Variants in VPS13D observed in about 807,000 individuals in gnomAD.
VPS13D encodes vacuolar protein sorting 13 homolog D, also known as intermembrane lipid transfer protein VPS13D.
VPS13D carries 187 observed loss-of-function variants against 461.9 expected under a neutral mutation model. The ratio of observed to expected loss-of-function variants is 0.40; its 90% CI spans 0.36 to 0.46. The LOEUF (loss-of-function observed/expected upper bound fraction) is 0.46, where lower values mean the gene tolerates loss of function less well. Among genes scored for constraint, VPS13D ranks in the 20% least tolerant of loss-of-function variants. The probability of loss-of-function intolerance (pLI) is 0.60; values close to 1 mark genes in which losing one functional copy is unlikely to be tolerated. For missense variants in VPS13D, 4,711 were observed against 5,364.9 expected, an observed-to-expected ratio of 0.88 and a Z score of 3.81; for synonymous variants, 1,951 against 1,986.3, an observed-to-expected ratio of 0.98 and a Z score of 0.47.
intron 63 of VPS13D, 24 bp from the exon 64 acceptor site, chr1:12,415,063 T>A: frequency 6.2e-7 from 1 of 1,613,032 alleles, no homozygotes; most frequent in Non-Finnish European, 8.5e-7. Context: ...CTTAAGTATG[T>A]CATTTCCTTT....
intron 66 of VPS13D, 24 bp downstream of exon 66, chr1:12,456,154 TCTG>T (rs781073724): frequency 8.2e-6 from 13 of 1,589,010 alleles, no homozygotes; most frequent in Admixed American, 1.9e-5. Flanking sequence ...GACATCAGGC[TCTG>T]CTGCTGCTGG....
intron 61 of VPS13D, among the ~76,000 whole-genome samples, chr1:12,400,984 A>G (rs1218457291): frequency 6.6e-6 from 1 of 151,926 alleles, no homozygotes; most frequent in African/African-American, 2.4e-5. Flanking sequence ...ACACACACAC[A>G]CACACACACA....
At chr1:12,289,089 G>A (rs1642053655) in intron 22 of VPS13D, among the ~76,000 whole-genome samples, 1 of 152,140 alleles carries the variant, frequency 6.6e-6, no homozygotes, top group South Asian at 2.1e-4. Flanking sequence ...TCATCCTCCT[G>A]CCTCTGCCTC....
At chr1:12,363,302 T>C in intron 52 of VPS13D, 55 bp downstream of exon 52, 1 of 1,562,142 alleles carries the variant, frequency 6.4e-7, no homozygotes, top group Non-Finnish European at 8.7e-7. Flanking sequence ...TGAGATGCAG[T>C]ACTGTAATAA....
chr1:12,378,561 T>C lies in VPS13D; in HGVS notation c.11051T>C (p.Ile3684Thr). ...RSTEGSAILD[I>T]AGLAAVTDNR... ...ACCGAGGGGTCTGCCATCTTAGATATTGCTGGTCTCGCTGCAGTGACTGAC... is the reference window on the plus strand; with the variant it reads ...ACCGAGGGGTCTGCCATCTTAGATACTGCTGGTCTCGCTGCAGTGACTGAC... Residue 3684 changes from isoleucine to threonine, a missense_variant, in exon 56 of 70, where the codon ATT becomes ACT. By Grantham distance (89) the Ile-to-Thr change is moderately conservative (BLOSUM62 -1). Around this residue, in one of 3 missense-constraint regions of VPS13D, gnomAD observed 4,411 missense variants for 4,937.8 expected, o/e 0.89. Coordinates refer to ENST00000620676, the MANE Select transcript of VPS13D (RefSeq NM_015378.4). The C allele has an allele frequency of 6.2e-7, 1 of 1,603,338 alleles. No homozygotes were observed. The highest frequency in any genetic ancestry group is 8.5e-7 in the Non-Finnish European group (1 of 1,175,034).
intron 60 of VPS13D, 83 bp downstream of exon 60, chr1:12,386,417 ACTT>A: frequency 7.0e-7 from 1 of 1,420,686 alleles, no homozygotes; most frequent in Admixed American, 2.6e-5. Context: ...TGTTCTAAGA[ACTT>A]TAATGTTTTG....
chr1:12,270,356 C>A (rs906334606), intron 16 of VPS13D, among the ~76,000 whole-genome samples: 2 of 151,968 alleles, frequency 1.3e-5, no homozygotes, highest in African/African-American at 4.8e-5. Flanking sequence ...ACTCGGGAGG[C>A]AGGAGACTCG....
rs1643102523 is a variant in VPS13D, at chr1:12,323,643, A to G, written c.7916-63A>G. The G allele has an allele frequency of 6.0e-6, 9 of 1,490,562 alleles. No homozygotes were observed. In the Admixed American group the frequency reaches 1.7e-4, roughly 27 times the overall value. The allele number at this position is 1,490,562 out of a possible 1,614,324, so 92.3% of individuals were successfully genotyped here. ...TAAATTTCTTTTCTTTTTTTCTAAA[A>G]TTAGTTTGTAGATTAATTTACATAA... On this transcript the variant is annotated intron_variant, in intron 34 of 69. Coordinates refer to ENST00000620676, the MANE Select transcript of VPS13D (RefSeq NM_015378.4).
At chr1:12,376,921 T>C (rs1644206119) in intron 55 of VPS13D, among the ~76,000 whole-genome samples, 1 of 152,208 alleles carries the variant, frequency 6.6e-6, no homozygotes, top group Non-Finnish European at 1.5e-5. Flanking sequence ...GAGATTCACA[T>C]GTTGGACCTA....
chr1:12,292,721 G>C (rs919254450), intron 23 of VPS13D, among the ~76,000 whole-genome samples: 1 of 152,122 alleles, frequency 6.6e-6, no homozygotes, highest in Non-Finnish European at 1.5e-5. Context: ...TTACAGGCGT[G>C]AGCCACCGTG....
intron 2 of VPS13D, among the ~76,000 whole-genome samples, chr1:12,235,154 A>C (rs79444274): frequency 0.027 from 4,171 of 152,354 alleles, 92 homozygotes; most frequent in Non-Finnish European, 0.044. Context: ...GGAGACTTCA[A>C]ATACAGTGAA....
chr1:12,271,286 G>T (rs191677696), intron 17 of VPS13D, among the ~76,000 whole-genome samples, 162 bp downstream of exon 17: 1 of 152,276 alleles, frequency 6.6e-6, no homozygotes, highest in East Asian at 1.9e-4. Flanking sequence ...ATAGAATCTT[G>T]TGTCTTTTAT....
intron 32 of VPS13D, among the ~76,000 whole-genome samples, chr1:12,320,768 G>C (rs140878978): frequency 0.02 from 3,009 of 152,270 alleles, 130 homozygotes; most frequent in Admixed American, 0.11. Context: ...GAAGGAAAAA[G>C]GAAAATGAAA....
chr1:12,295,406 A>G (rs1642248764), intron 24 of VPS13D, among the ~76,000 whole-genome samples: 1 of 152,114 alleles, frequency 6.6e-6, no homozygotes, highest in African/African-American at 2.4e-5. Context: ...AGTCTCCTCA[A>G]TTATTTTTCT....
intron 63 of VPS13D, among the ~76,000 whole-genome samples, chr1:12,413,666 C>T (rs930653008): frequency 6.6e-6 from 1 of 152,122 alleles, no homozygotes; most frequent in Non-Finnish European, 1.5e-5. Context: ...GAGACAAGGT[C>T]TTACTTCTTC....
chr1:12,271,896 C>T (rs11121894), intron 17 of VPS13D, among the ~76,000 whole-genome samples: 2,573 of 152,216 alleles, frequency 0.017, 65 homozygotes, highest in African/African-American at 0.057. Context: ...GACATCTTCA[C>T]AGTCCAGTAG....
At position 12,349,207 on chromosome 1, in the gene VPS13D, T is replaced by G; in HGVS notation, c.9264T>G (p.Ala3088=). 1 of 1,614,192 alleles carries G rather than the reference T, an allele frequency of 6.2e-7. No homozygotes were observed. The highest frequency in any genetic ancestry group is 8.5e-7 in the Non-Finnish European group (1 of 1,180,046). The stretch of plus-strand genomic sequence containing the variant: ...CTATCATGCCAGGGGATTCGTTTGC[T>G]GTGCCTTTACACCTCACTTCTTGGC... The part of the protein sequence containing the change: ...LPAIMPGDSF[A]VPLHLTSWRL... Residue 3088 remains alanine (A), a synonymous_variant, in exon 46 of 70, where the codon GCT becomes GCG. Coordinates refer to ENST00000620676, the MANE Select transcript of VPS13D (RefSeq NM_015378.4).
At chr1:12,302,308 G>C (rs1003998600) in intron 25 of VPS13D, among the ~76,000 whole-genome samples, 87 of 152,134 alleles carry the variant, frequency 5.7e-4, no homozygotes, top group Admixed American at 5.1e-3. Flanking sequence ...GAGGAAATCA[G>C]TTCTAGCCAG....
intron 44 of VPS13D, among the ~76,000 whole-genome samples, chr1:12,347,224 G>T (rs148686325): frequency 4.8e-3 from 730 of 151,854 alleles, no homozygotes; most frequent in African/African-American, 0.017. Context: ...AGGCTGGAAT[G>T]CAGTGGTGCC....
Sources: gnomAD v4.1 joint callset for allele counts (sites outside exome capture counted in the v4.1 genomes callset) on GRCh38, gnomAD v4.1.1 for gene constraint, gnomAD v4.1.1 regional missense constraint, MANE v1.5 for transcripts, NCBI Gene and HGNC (gene_info 2026-07-23, HGNC 2026-07-21) for gene names.